The following TSHR variants were observed in gnomAD, a reference collection of about 807,000 sequenced individuals.
The protein encoded by TSHR is thyrotropin receptor.
Under a neutral mutation model 64.1 loss-of-function variants are expected in TSHR, and 51 were observed. The ratio of observed to expected loss-of-function variants is 0.80; its 90% CI spans 0.64 to 1.01. The LOEUF (loss-of-function observed/expected upper bound fraction) is 1.01, where lower values mean the gene tolerates loss of function less well. Among genes scored for constraint, TSHR ranks in the 50% least tolerant of loss-of-function variants. The probability of loss-of-function intolerance (pLI) is 0.00; values close to 1 mark genes in which losing one functional copy is unlikely to be tolerated. For missense variants in TSHR, 877 were observed against 942.8 expected (o/e 0.93, Z 0.91); for synonymous variants, 361 against 361.9 (o/e 1.00, Z 0.03).
At chr14:81,076,273 C>T (rs1452900936) in intron 3 of TSHR, among the ~76,000 whole-genome samples, 1 of 152,172 alleles carries the variant, frequency 6.6e-6, no homozygotes, top group Admixed American at 6.5e-5. Context: ...TCTTTCCTAT[C>T]ATCTTTTGCT....
In TSHR at chr14:81,076,932, C is replaced by A. The variant is rs545138206; in HGVS notation, c.317+8604C>A. ...CTCTGCGTTCTCATCATGCTTCACT[C>A]CTGCACACCTGTGTTCTTTGGTTTT... On this transcript the variant is annotated intron_variant, in intron 3 of 9. Coordinates refer to ENST00000298171, the MANE Select transcript of TSHR (RefSeq NM_000369.5). Among the ~76,000 whole-genome samples, 27 of 152,312 alleles carry A rather than the reference C, an allele frequency of 1.8e-4. 1 individual carries two copies. In the South Asian group the frequency reaches 5.4e-3, roughly 30 times the overall value.
chr14:81,140,194 G>A (rs923463788), intron 9 of TSHR, among the ~76,000 whole-genome samples: 3 of 152,268 alleles, frequency 2.0e-5, no homozygotes, highest in Non-Finnish European at 4.4e-5. Flanking sequence ...TTCAGAATTA[G>A]ATACTGCAAC....
intron 9 of TSHR, among the ~76,000 whole-genome samples, chr14:81,141,575 C>T (rs1381186377): frequency 3.3e-5 from 5 of 152,182 alleles, no homozygotes; most frequent in Non-Finnish European, 4.4e-5. Context: ...CAAGAATTCC[C>T]TCTTGTATTT....
intron 3 of TSHR, among the ~76,000 whole-genome samples, chr14:81,078,190 C>T (rs1887636131): frequency 6.6e-6 from 1 of 152,114 alleles, no homozygotes; most frequent in Non-Finnish European, 1.5e-5. Flanking sequence ...GCCCAAAAAA[C>T]TTTTAGTATT....
At position 81,087,991 on chromosome 14, in the gene TSHR, C is replaced by T. The variant is rs1888415551; in HGVS notation, c.355C>T (p.Pro119Ser). 3 of 1,613,746 alleles carry T rather than the reference C, an allele frequency of 1.9e-6. No homozygotes were observed. In the African/African-American group the frequency reaches 4.0e-5, roughly 22 times the overall value. ...TACCAGGAACTTAACTTACATAGAC[C>T]CTGATGCCCTCAAAGAGCTCCCCCT... ...RNTRNLTYID[P>S]DALKELPLLK... The change falls in exon 4 of 10, where the codon CCT (proline) becomes TCT (serine). Residue 119 changes from proline to serine, a missense_variant. Physicochemically the swap from Pro to Ser is moderately conservative, Grantham distance 74. Transcript: ENST00000298171.
intron 1 of TSHR, among the ~76,000 whole-genome samples, chr14:81,006,314 G>A (rs1355088137): frequency 6.6e-6 from 1 of 152,088 alleles, no homozygotes; most frequent in Non-Finnish European, 1.5e-5. Flanking sequence ...AGATCAAGGT[G>A]TAGACCAAGA....
At chr14:81,009,403 A>G (rs1408194799) in intron 1 of TSHR, among the ~76,000 whole-genome samples, 1 of 151,748 alleles carries the variant, frequency 6.6e-6, no homozygotes, top group African/African-American at 2.4e-5. Context: ...AACTATAATA[A>G]ATACCCCTAT....
rs1888417505 is a variant in TSHR, at chr14:81,088,010, T to C, written c.374T>C (p.Leu125Pro). The C allele has an allele frequency of 6.2e-7, 1 of 1,613,414 alleles. No individual in the cohort carries two copies. The highest frequency in any genetic ancestry group is 1.7e-5 in the Admixed American group (1 of 59,982). The change falls in exon 4 of 10, where the codon CTC becomes CCC. Residue 125 changes from leucine to proline, a missense_variant. By Grantham distance (98) the Leu-to-Pro change is moderately conservative (BLOSUM62 -3). Transcript: ENST00000298171. ...ATAGACCCTGATGCCCTCAAAGAGC[T>C]CCCCCTCCTAAAGTTCCTGTAAGTA... ...TYIDPDALKE[L>P]PLLKFLGIFN...
At chr14:81,067,483 T>TATATATA (rs10528933) in intron 2 of TSHR, among the ~76,000 whole-genome samples, 28 of 134,968 alleles carry the variant, frequency 2.1e-4, no homozygotes, top group African/African-American at 7.8e-4. Context: ...GTTTATAGTT[T>TATATATA]TATATATATA....
intron 8 of TSHR, among the ~76,000 whole-genome samples, chr14:81,115,302 T>C (rs1230244324): frequency 6.6e-6 from 1 of 150,788 alleles, no homozygotes; most frequent in Non-Finnish European, 1.5e-5. Flanking sequence ...GAAGAATGTA[T>C]AACGAGAATA....
intron 1 of TSHR, among the ~76,000 whole-genome samples, chr14:80,990,517 A>G (rs865930510): frequency 2.1e-4 from 32 of 152,182 alleles, no homozygotes; most frequent in Non-Finnish European, 4.3e-4. Context: ...CAAATAAGAT[A>G]TGTCCAATAA....
chr14:80,955,727 C>A lies in TSHR; in HGVS notation c.47C>A (p.Pro16His). Residue 16 changes from proline to histidine, a missense_variant, in exon 1 of 10, where the codon CCC (proline) becomes CAC (histidine). Transcript: ENST00000298171. ...CAGCTGGTGCTGCTGCTCGACCTGCCCAGGGACCTGGGCGGAATGGGGTGT... is the reference window on the plus strand; with the variant it reads ...CAGCTGGTGCTGCTGCTCGACCTGCACAGGGACCTGGGCGGAATGGGGTGT... ...LLQLVLLLDL[P>H]RDLGGMGCSS... 6.2e-7 allele frequency: 1 copy of A among 1,614,118 alleles called. No individual in the cohort carries two copies. The highest frequency in any genetic ancestry group is 8.5e-7 in the Non-Finnish European group (1 of 1,180,026).
intron 1 of TSHR, among the ~76,000 whole-genome samples, chr14:81,018,018 A>G (rs1378695838): frequency 2.0e-5 from 3 of 152,016 alleles, no homozygotes; most frequent in African/African-American, 7.2e-5. Flanking sequence ...GTTAGTAGAG[A>G]TGAGGTTTCA....
chr14:81,054,758 G>A (rs544401139), intron 1 of TSHR, among the ~76,000 whole-genome samples: 66 of 152,256 alleles, frequency 4.3e-4, no homozygotes, highest in Admixed American at 1.4e-3. Flanking sequence ...TCTGGTGGAA[G>A]AAATTTCTAA....
chr14:81,112,060 G>A (rs1595134014), intron 8 of TSHR, among the ~76,000 whole-genome samples: 1 of 152,040 alleles, frequency 6.6e-6, no homozygotes, highest in Non-Finnish European at 1.5e-5. Context: ...TTGTGAAACT[G>A]CCTGAAAATG....
chr14:81,140,653 TC>T (rs567924137), intron 9 of TSHR, among the ~76,000 whole-genome samples: 2 of 152,206 alleles, frequency 1.3e-5, no homozygotes, highest in Non-Finnish European at 2.9e-5. Context: ...CTGCATTATT[TC>T]CCCCATTGTG....
At chr14:81,087,823 C>T in intron 3 of TSHR, 131 bp from the exon 4 acceptor site, 1 of 764,532 alleles carries the variant, frequency 1.3e-6, no homozygotes, top group Non-Finnish European at 2.3e-6. Context: ...GCTACAGCCC[C>T]TGGGGTACCC....
chr14:81,071,774 T>C (rs1046404810), intron 3 of TSHR, among the ~76,000 whole-genome samples: 3 of 152,084 alleles, frequency 2.0e-5, no homozygotes, highest in Admixed American at 6.6e-5. Flanking sequence ...AATAAATAAA[T>C]AAATAAATAA....
At chr14:81,006,326 C>A (rs1386878911) in intron 1 of TSHR, among the ~76,000 whole-genome samples, 1 of 152,014 alleles carries the variant, frequency 6.6e-6, no homozygotes, top group Non-Finnish European at 1.5e-5. Context: ...AGACCAAGAT[C>A]AAGAGGCTTT....
Sources: allele counts gnomAD v4.1 joint callset (sites outside exome capture counted in the v4.1 genomes callset), GRCh38; gene constraint gnomAD v4.1.1; transcripts MANE v1.5; gene names NCBI Gene and HGNC (gene_info 2026-07-23, HGNC 2026-07-21).